Variants in CFAP54 observed in about 807,000 individuals in gnomAD.
CFAP54 encodes cilia- and flagella-associated protein 54.
A neutral mutation model predicts 370.4 loss-of-function variants in CFAP54; 290 were observed. The ratio of observed to expected loss-of-function variants is 0.78; its 90% confidence interval spans 0.71 to 0.86. CFAP54 has a LOEUF of 0.86. Ranked by LOEUF, CFAP54 falls within the 40% of genes least tolerant of loss-of-function variation. The probability of loss-of-function intolerance (pLI) is 0.00; values close to 1 mark genes in which losing one functional copy is unlikely to be tolerated. For synonymous variants in CFAP54, 1,206 were observed against 1,236.5 expected (o/e 0.98, Z 0.52); for missense variants, 3,399 against 3,528.7 (o/e 0.96, Z 0.93).
Position 96,651,773 on chromosome 12 carries a change from T to G in CFAP54, c.5058T>G (p.Leu1686=), listed in dbSNP as rs766702023. The G allele has an allele frequency of 1.1e-5, 17 of 1,612,198 alleles. No homozygotes were observed. Among genetic ancestry groups the G allele is most frequent in the Non-Finnish European group, 1.4e-5 (17 of 1,178,242 alleles). ...VLPFYLGAEL[L]IDMLIQLQNT... is the part of the protein sequence containing the mutation. The stretch of plus-strand genomic sequence containing the variant: ...CATTCTATTTGGGAGCAGAATTACT[T>G]ATTGACATGTTAATACAACTACAAA... The change falls in exon 36 of 68, where the codon CTT becomes CTG. Residue 1686 remains leucine (L), a synonymous_variant. Transcript: ENST00000524981.
chr12:96,829,379 T>A (rs1456841661), intron 66 of CFAP54, among the ~76,000 whole-genome samples: 1 of 152,132 alleles, frequency 6.6e-6, no homozygotes, highest in African/African-American at 2.4e-5. Flanking sequence ...TATCTAGAAT[T>A]TTCCCTATGT....
At chr12:96,716,796 G>A (rs1957685616) in intron 48 of CFAP54, among the ~76,000 whole-genome samples, 2 of 152,190 alleles carry the variant, frequency 1.3e-5, no homozygotes, top group Admixed American at 1.3e-4. Context: ...AATTGGATAA[G>A]ACCGAATTTA....
chr12:96,816,661 T>G (rs1958977352), intron 64 of CFAP54, among the ~76,000 whole-genome samples: 1 of 152,214 alleles, frequency 6.6e-6, no homozygotes, highest in African/African-American at 2.4e-5. Flanking sequence ...ATCATTTGCT[T>G]CTTTTGCATA....
intron 3 of CFAP54, 60 bp from the exon 4 acceptor site, chr12:96,506,868 T>G: frequency 7.8e-5 from 111 of 1,418,868 alleles, no homozygotes; most frequent in Non-Finnish European, 9.6e-5. Context: ...ATTACAGGTG[T>G]GAGCTACTGT....
At position 96,846,960 on chromosome 12, in the gene CFAP54, C is replaced by A. The variant is rs117934159; in HGVS notation, c.9172-13859C>A. On this transcript the variant is annotated intron_variant, in intron 66 of 67. Coordinates refer to ENST00000524981, the MANE Select transcript of CFAP54 (RefSeq NM_001306084.2). ...ACTAACTACCCAGAGTTTGCACAGACCCCACAGTTAAGGGCTCAGTCCTGT... is the reference window on the plus strand; with the variant it reads ...ACTAACTACCCAGAGTTTGCACAGAACCCACAGTTAAGGGCTCAGTCCTGT... Among the ~76,000 whole-genome samples, 746 of 152,244 alleles carry A rather than the reference C, an allele frequency of 4.9e-3. 1 individual carries two copies. The highest frequency in any genetic ancestry group is 8.7e-3 in the Non-Finnish European group (589 of 68,024).
At chr12:96,607,602 G>C (rs1386419533) in intron 26 of CFAP54, among the ~76,000 whole-genome samples, 1 of 152,090 alleles carries the variant, frequency 6.6e-6, no homozygotes, top group Non-Finnish European at 1.5e-5. Context: ...AACAAAAGAA[G>C]TCTGGAGGTA....
intron 42 of CFAP54, among the ~76,000 whole-genome samples, chr12:96,687,521 C>T (rs12310215): frequency 0.4 from 60,111 of 151,988 alleles, 12,195 homozygotes; most frequent in Middle Eastern, 0.45. Context: ...GCTTACCTGT[C>T]GGAGGTGGTG....
At position 96,718,532 on chromosome 12, in the gene CFAP54, A is replaced by G. The variant is rs368653119; in HGVS notation, c.6804+10A>G. On this transcript the variant is annotated intron_variant, in intron 49 of 67. Coordinates refer to ENST00000524981, the MANE Select transcript of CFAP54 (RefSeq NM_001306084.2). ...TCTTAGCATGCTAAAGGTAAGTTTG[A>G]AACTGTTTTCAAACCATTAAGTTAG... 235 of 1,523,010 alleles carry G rather than the reference A, an allele frequency of 1.5e-4. No individual in the cohort carries two copies. Among genetic ancestry groups the G allele is most frequent in the Non-Finnish European group, 1.9e-4 (215 of 1,103,298 alleles). 94.3% of individuals were successfully genotyped at this position (1,523,010 alleles called of 1,614,324 possible). A position where few individuals can be genotyped will look rare whatever the true frequency, so the allele number is the denominator to read the frequency against.
chr12:96,782,999 G>A (rs1035154497), intron 60 of CFAP54, among the ~76,000 whole-genome samples: 3 of 152,106 alleles, frequency 2.0e-5, no homozygotes, highest in Admixed American at 2.0e-4. Context: ...AAAAATATCA[G>A]TAAATAACAG....
chr12:96,747,964 C>T (rs1050358832), intron 55 of CFAP54, among the ~76,000 whole-genome samples: 2 of 152,078 alleles, frequency 1.3e-5, no homozygotes, highest in Non-Finnish European at 2.9e-5. Flanking sequence ...GTTTTTATGA[C>T]CTTTTTTTCT....
chr12:96,825,469 T>TATATATATAATATA (rs1491223451), intron 65 of CFAP54, among the ~76,000 whole-genome samples: 59 of 116,600 alleles, frequency 5.1e-4, no homozygotes, highest in African/African-American at 1.9e-3. Flanking sequence ...TATAATATAT[T>TATATATATAATATA]ATATATATTA....
chr12:96,786,688 A>G lies in CFAP54; in HGVS notation c.8469A>G (p.Pro2823=), dbSNP rs1456156468. The change falls in exon 62 of 68, where the codon CCA becomes CCG. Residue 2823 remains proline, a synonymous_variant. Coordinates refer to ENST00000524981, the MANE Select transcript of CFAP54 (RefSeq NM_001306084.2). The stretch of plus-strand genomic sequence containing the variant: ...TTCTTTCTTAAGCATCTGCAACACC[A>G]GTATCTGGAATTTCTTTGCCAGATG... ...NLSKLLASAT[P]VSGISLPDDT... 9 of 1,531,558 alleles carry G rather than the reference A, an allele frequency of 5.9e-6. No individual in the cohort carries two copies. The highest frequency in any genetic ancestry group is 7.9e-6 in the Non-Finnish European group (9 of 1,144,160). The allele number at this position is 1,531,558 out of a possible 1,614,324, so 94.9% of individuals were successfully genotyped here.
In CFAP54 at chr12:96,489,592, G is replaced by A; in HGVS notation, c.-18G>A. ...AACCGCGTGTACACATACTCCAGGC[G>A]GGCCGGGGCGCGTCAATATGGCGGC... On this transcript the variant is annotated 5_prime_UTR_variant, in exon 1 of 68. Coordinates refer to ENST00000524981, the MANE Select transcript of CFAP54 (RefSeq NM_001306084.2). 6.7e-7 allele frequency: 1 copy of A among 1,502,198 alleles called. No homozygotes were observed. The highest frequency in any genetic ancestry group is 1.2e-5 in the South Asian group (1 of 80,848). 93.1% of individuals were successfully genotyped at this position (1,502,198 alleles called of 1,614,324 possible). A position where few individuals can be genotyped will look rare whatever the true frequency, so the allele number is the denominator to read the frequency against.
intron 42 of CFAP54, 121 bp from the exon 43 acceptor site, chr12:96,688,795 A>G (rs938380473): frequency 1.1e-4 from 58 of 531,238 alleles, no homozygotes; most frequent in Admixed American, 3.4e-4. Context: ...TTTCTTATAT[A>G]TTTATATGTA....
At chr12:96,516,078 G>T (rs1363880322) in intron 5 of CFAP54, among the ~76,000 whole-genome samples, 4 of 151,894 alleles carry the variant, frequency 2.6e-5, no homozygotes, top group South Asian at 2.1e-4. Context: ...CCAATGCCTG[G>T]CTAATTTTTT....
chr12:96,858,094 A>G (rs1415550458), intron 66 of CFAP54, among the ~76,000 whole-genome samples: 1 of 152,176 alleles, frequency 6.6e-6, no homozygotes, highest in Non-Finnish European at 1.5e-5. Flanking sequence ...ACTGCTTTCC[A>G]CAATGGTTGA....
At chr12:96,624,680 A>G (rs1459747174) in intron 28 of CFAP54, among the ~76,000 whole-genome samples, 2 of 152,194 alleles carry the variant, frequency 1.3e-5, no homozygotes, top group Non-Finnish European at 2.9e-5. Context: ...ACGAGGCTCT[A>G]CTTTTGCCCC....
chr12:96,636,754 G>C (rs1276545090), intron 32 of CFAP54, among the ~76,000 whole-genome samples: 1 of 152,166 alleles, frequency 6.6e-6, no homozygotes, highest in South Asian at 2.1e-4. Context: ...AGGAGTTTGA[G>C]ACCAGCCTGA....
chr12:96,815,991 A>G (rs1958970571), intron 64 of CFAP54, among the ~76,000 whole-genome samples: 1 of 152,218 alleles, frequency 6.6e-6, no homozygotes. Flanking sequence ...GAAGTCAGGT[A>G]GCATGATGCC....
Sources: gnomAD v4.1 joint callset for allele counts (sites outside exome capture counted in the v4.1 genomes callset) on GRCh38, gnomAD v4.1.1 for gene constraint, MANE v1.5 for transcripts, NCBI Gene and HGNC (gene_info 2026-07-23, HGNC 2026-07-21) for gene names.